Variants in NIPSNAP3B observed in about 807,000 individuals in gnomAD.
NIPSNAP3B encodes nipsnap homolog 3B, also known as protein NipSnap homolog 3B.
NIPSNAP3B carries 30 observed loss-of-function variants against 31.5 expected under a neutral mutation model. The ratio of observed to expected loss-of-function variants is 0.95; its 90% CI spans 0.71 to 1.29. NIPSNAP3B has a LOEUF of 1.29. Among genes scored for constraint, NIPSNAP3B ranks in the 50% most tolerant of loss-of-function variants. NIPSNAP3B has a pLI of 0.00. For synonymous variants in NIPSNAP3B, 106 were observed against 107.9 expected (o/e 0.98, Z 0.11); for missense variants, 269 against 300.7 (o/e 0.89, Z 0.78).
chr9:104,779,673 T>G (rs1434940745), downstream of NIPSNAP3B, among the ~76,000 whole-genome samples: 2 of 151,616 alleles, frequency 1.3e-5, no homozygotes, highest in African/African-American at 4.9e-5. Context: ...AAGTGCCAAG[T>G]TTTTTGAATC....
chr9:104,778,403 T>C (rs1205362999), downstream of NIPSNAP3B, among the ~76,000 whole-genome samples: 2 of 151,968 alleles, frequency 1.3e-5, no homozygotes, highest in Admixed American at 6.6e-5. Context: ...GCTAATTTTT[T>C]TGTATTTATT....
the NIPSNAP3B span, chr9:104,787,794 G>A: frequency 1.9e-6 from 3 of 1,599,184 alleles, no homozygotes; most frequent in Admixed American, 5.1e-5. Flanking sequence ...CTTTTCCAAG[G>A]TTGCTCTGCT....
rs774702672 is a variant in NIPSNAP3B at position 104,768,834 on chromosome 9, A to G, written c.272-29A>G. On this transcript the variant is annotated intron_variant, in intron 2 of 5. Coordinates refer to ENST00000374762, the MANE Select transcript of NIPSNAP3B (RefSeq NM_018376.4). ...AATATGGGCGATTTTAAATAAAAAA[A>G]CATTTTCTTAACTATTTTCCTCCCA... 1.2e-4 allele frequency: 193 copies of G among 1,580,616 alleles called. 1 individual carries two copies. The highest frequency in any genetic ancestry group is 1.6e-4 in the Non-Finnish European group (189 of 1,164,200).
At chr9:104,788,124 T>C in the NIPSNAP3B span, 1 of 1,492,762 alleles carries the variant, frequency 6.7e-7, no homozygotes, top group South Asian at 1.1e-5. Flanking sequence ...TACACATACA[T>C]GTATGAAAGT....
chr9:104,788,312 G>A, the NIPSNAP3B span: 1 of 1,403,526 alleles, frequency 7.1e-7, no homozygotes, highest in Non-Finnish European at 9.9e-7. Flanking sequence ...AGCATTTTGT[G>A]CTGCTGCATT....
rs968868958 is a variant in NIPSNAP3B, at chr9:104,776,634, C to T, written c.*3561C>T. ...AGAAAGAAATGTTTGTTGTTTAAGC[C>T]ACCCTGTCTATGGTACTCTTGTTAC... is the stretch of plus-strand genomic sequence containing the variant. On this transcript the variant is annotated 3_prime_UTR_variant, in exon 6 of 6. Transcript: ENST00000374762. Among the ~76,000 whole-genome samples the T allele has an allele frequency of 6.6e-6, 1 of 152,114 alleles. No homozygotes were observed. The highest frequency in any genetic ancestry group is 1.5e-5 in the Non-Finnish European group (1 of 68,022).
At chr9:104,785,746 C>T in the NIPSNAP3B span, 10 of 1,372,858 alleles carry the variant, frequency 7.3e-6, no homozygotes, top group Non-Finnish European at 1.0e-5. Flanking sequence ...CGGCCCCTGG[C>T]AGGCCCAGAA....
At chr9:104,788,407 T>C in the NIPSNAP3B span, 207 of 1,614,072 alleles carry the variant, frequency 1.3e-4, no homozygotes, top group African/African-American at 1.1e-3. Flanking sequence ...ACAGGCTGGC[T>C]TTCAGGTGCC....
intron 4 of NIPSNAP3B, among the ~76,000 whole-genome samples, chr9:104,772,046 A>G (rs1287847243): frequency 1.3e-5 from 2 of 152,158 alleles, no homozygotes; most frequent in African/African-American, 4.8e-5. Context: ...GTGACTATTC[A>G]TGCCCTTTAC....
rs1315348188 is a variant in NIPSNAP3B, at chr9:104,775,865, G to A, written c.*2792G>A. On this transcript the variant is annotated 3_prime_UTR_variant, in exon 6 of 6. Coordinates refer to ENST00000374762, the MANE Select transcript of NIPSNAP3B (RefSeq NM_018376.4). ...TACACCATTATGTACCTGTCAGCAG[G>A]TCCCAAATATCTAGAATTTGATTGC... is the stretch of plus-strand genomic sequence containing the variant. 1.3e-5 allele frequency among the ~76,000 whole-genome samples: 2 copies of A among 152,112 alleles called. No homozygotes were observed. Among genetic ancestry groups the A allele is most frequent in the Non-Finnish European group, 2.9e-5 (2 of 68,028 alleles).
the NIPSNAP3B span, chr9:104,785,630 A>T: frequency 6.2e-7 from 1 of 1,614,044 alleles, no homozygotes; most frequent in Non-Finnish European, 8.5e-7. Flanking sequence ...TTGTATAACC[A>T]TCTCCAAACC....
chr9:104,784,114 A>G, the NIPSNAP3B span: 2 of 628,796 alleles, frequency 3.2e-6, 1 homozygote. Flanking sequence ...CATACAAGAC[A>G]TAGGCTACAA....
At position 104,768,947 on chromosome 9, in the gene NIPSNAP3B, C is replaced by T. The variant is rs771459228; in HGVS notation, c.356C>T (p.Ala119Val). 6.2e-7 allele frequency: 1 copy of T among 1,613,966 alleles called. No individual in the cohort carries two copies. The highest frequency in any genetic ancestry group is 8.5e-7 in the Non-Finnish European group (1 of 1,179,908). The change falls in exon 3 of 6, where the codon GCT becomes GTT. Residue 119 changes from alanine to valine, a missense_variant. Coordinates refer to ENST00000374762, the MANE Select transcript of NIPSNAP3B (RefSeq NM_018376.4). Reference protein sequence around the residue: ...WQEQSIIPNLARIDKQETEIT... With the variant: ...WQEQSIIPNLVRIDKQETEIT... ...GAACAATCTATCATTCCAAATTTGG[C>T]TCGCATTGATAAACAAGAGACGGAA...
the NIPSNAP3B span, chr9:104,786,754 G>A: frequency 5.3e-6 from 5 of 947,886 alleles, no homozygotes; most frequent in Non-Finnish European, 8.5e-6. Context: ...TATAATTTCA[G>A]GTAATAATTG....
chr9:104,784,008 A>C, the NIPSNAP3B span: 1 of 268,686 alleles, frequency 3.7e-6, no homozygotes, highest in Non-Finnish European at 7.1e-6. Context: ...AAAAAAAAAA[A>C]AGTGTGAGTT....
At chr9:104,788,658 C>T in the NIPSNAP3B span, 1 of 1,462,684 alleles carries the variant, frequency 6.8e-7, no homozygotes, top group South Asian at 1.1e-5. Context: ...AAGTATGCTT[C>T]TCCATTACAA....
chr9:104,790,542 C>A, the NIPSNAP3B span, among the ~76,000 whole-genome samples: 1 of 152,128 alleles, frequency 6.6e-6, no homozygotes, highest in Non-Finnish European at 1.5e-5. Flanking sequence ...AATTGTATGG[C>A]ACATTTATAT....
At chr9:104,786,552 T>C in the NIPSNAP3B span, among the ~76,000 whole-genome samples, 1 of 152,314 alleles carries the variant, frequency 6.6e-6, no homozygotes, top group Non-Finnish European at 1.5e-5. Context: ...TGTTTACAAT[T>C]GTGAACAAGT....
At chr9:104,772,517 A>G (rs968003725) in intron 4 of NIPSNAP3B, among the ~76,000 whole-genome samples, 1 of 152,130 alleles carries the variant, frequency 6.6e-6, no homozygotes, top group Non-Finnish European at 1.5e-5. Flanking sequence ...ACAGTAAACA[A>G]TTTTTTATAA....
Sources: allele counts gnomAD v4.1 joint callset (sites outside exome capture counted in the v4.1 genomes callset), GRCh38; gene constraint gnomAD v4.1.1; transcripts MANE v1.5; gene names NCBI Gene and HGNC (gene_info 2026-07-23, HGNC 2026-07-21).